FBXO34: variants seen among roughly 807,000 people sequenced by gnomAD.
FBXO34 encodes the protein F-box only protein 34.
FBXO34 carries 12 observed loss-of-function variants against 24.5 expected under a neutral mutation model. That is an observed-to-expected ratio of 0.49 (90% CI 0.31 to 0.79). The LOEUF is 0.79. FBXO34 is among the 30% of genes least tolerant of loss of function. The probability of loss-of-function intolerance (pLI) is 0.04; values close to 1 mark genes in which losing one functional copy is unlikely to be tolerated. For synonymous variants in FBXO34, 320 were observed against 311.9 expected (o/e 1.03, Z -0.27); for missense variants, 823 against 857.7 (o/e 0.96, Z 0.51).
At chr14:55,377,791 T>C in the FBXO34 span, 2 of 1,501,560 alleles carry the variant, frequency 1.3e-6, no homozygotes, top group Non-Finnish European at 9.0e-7. Context: ...CAAAAACACT[T>C]AGAGAAAAGC....
At chr14:55,273,428 C>A (rs1881226560) in intron 1 of FBXO34, among the ~76,000 whole-genome samples, 1 of 152,096 alleles carries the variant, frequency 6.6e-6, no homozygotes, top group African/African-American at 2.4e-5. Flanking sequence ...GCATTGTGTG[C>A]GCTACTGAAA....
downstream of FBXO34, chr14:55,361,950 T>C (rs1457567414): frequency 6.6e-6 from 1 of 152,266 alleles, no homozygotes; most frequent in Non-Finnish European, 1.5e-5. Context: ...ATCATTTGTG[T>C]GTTCACTGGA....
chr14:55,369,905 C>CTTG (rs1185595472), downstream of FBXO34: 3 of 1,611,560 alleles, frequency 1.9e-6, no homozygotes, highest in African/African-American at 4.0e-5. Flanking sequence ...AAGGTCTGCT[C>CTTG]GTACTTCAAA....
the FBXO34 span, among the ~76,000 whole-genome samples, chr14:55,396,995 G>A: frequency 2.0e-5 from 3 of 152,192 alleles, no homozygotes; most frequent in Admixed American, 2.0e-4. Context: ...CAGACCATAT[G>A]TTGTAAAATA....
chr14:55,436,850 T>G, the FBXO34 span: 1 of 1,614,226 alleles, frequency 6.2e-7, no homozygotes, highest in Non-Finnish European at 8.5e-7. Context: ...TTTTCCTGGG[T>G]AACTTCATCT....
the FBXO34 span, among the ~76,000 whole-genome samples, chr14:55,413,273 ATCAG>A: frequency 1.8e-4 from 28 of 152,344 alleles, no homozygotes; most frequent in Admixed American, 1.8e-3. Flanking sequence ...ATACCTAATG[ATCAG>A]GATCAACTGT....
chr14:55,389,120 T>C, the FBXO34 span, among the ~76,000 whole-genome samples: 1 of 152,226 alleles, frequency 6.6e-6, no homozygotes, highest in African/African-American at 2.4e-5. Flanking sequence ...CTCCTTTAGA[T>C]CTATGTCTAA....
At chr14:55,312,634 A>G (rs896650067) in intron 1 of FBXO34, among the ~76,000 whole-genome samples, 11 of 152,254 alleles carry the variant, frequency 7.2e-5, no homozygotes, top group South Asian at 2.1e-4. Flanking sequence ...TCAAACCTCA[A>G]TTCTTGACTT....
chr14:55,362,209 G>A (rs1215131878), downstream of FBXO34, among the ~76,000 whole-genome samples: 1 of 152,226 alleles, frequency 6.6e-6, no homozygotes, highest in Admixed American at 6.5e-5. Flanking sequence ...GAGGCCCGAA[G>A]AGAGGGAAAT....
the FBXO34 span, among the ~76,000 whole-genome samples, chr14:55,438,564 C>T: frequency 9.9e-5 from 15 of 152,280 alleles, no homozygotes; most frequent in South Asian, 3.1e-3. Context: ...TCTCCCTTCC[C>T]CTTCCCCTTC....
intron 1 of FBXO34, among the ~76,000 whole-genome samples, chr14:55,308,622 G>A (rs1478475744): frequency 6.6e-6 from 1 of 152,078 alleles, no homozygotes; most frequent in East Asian, 1.9e-4. Context: ...TAGATTTGAG[G>A]TTCAGGTTTT....
chr14:55,277,982 A>G (rs928816136), intron 1 of FBXO34, among the ~76,000 whole-genome samples: 4 of 152,140 alleles, frequency 2.6e-5, no homozygotes, highest in Non-Finnish European at 5.9e-5. Flanking sequence ...TCTAGAAACA[A>G]ACCCCTGAAT....
chr14:55,287,542 G>T (rs1190151553), intron 1 of FBXO34, among the ~76,000 whole-genome samples: 1 of 152,186 alleles, frequency 6.6e-6, no homozygotes, highest in African/African-American at 2.4e-5. Flanking sequence ...ATGTGTATCT[G>T]CTGTTAAGCA....
chr14:55,357,083 T>C (rs1248234237), downstream of FBXO34, among the ~76,000 whole-genome samples: 4 of 152,236 alleles, frequency 2.6e-5, no homozygotes, highest in Non-Finnish European at 5.9e-5. Flanking sequence ...TGTCATTTCC[T>C]GCCTGTCATT....
the FBXO34 span, among the ~76,000 whole-genome samples, chr14:55,435,013 A>T: frequency 6.6e-6 from 1 of 152,218 alleles, no homozygotes; most frequent in Non-Finnish European, 1.5e-5. Context: ...CAAGCCATTG[A>T]AAACAGGATG....
chr14:55,306,268 G>A (rs1377859621), intron 1 of FBXO34, among the ~76,000 whole-genome samples: 2 of 152,152 alleles, frequency 1.3e-5, no homozygotes, highest in Admixed American at 1.3e-4. Flanking sequence ...TGTTTCCTAA[G>A]GAATAAAAGC....
At chr14:55,300,758 A>G (rs1882325587) in intron 1 of FBXO34, among the ~76,000 whole-genome samples, 1 of 152,190 alleles carries the variant, frequency 6.6e-6, no homozygotes, top group African/African-American at 2.4e-5. Context: ...CACATGGTAA[A>G]ATTTAAAACA....
the FBXO34 span, chr14:55,377,710 C>T: frequency 2.9e-5 from 20 of 682,252 alleles, no homozygotes; most frequent in African/African-American, 9.0e-5. Flanking sequence ...TATTTTTGTC[C>T]GGTTTGAGGA....
chr14:55,314,105 C>T (rs939514268), intron 1 of FBXO34, among the ~76,000 whole-genome samples: 7 of 152,052 alleles, frequency 4.6e-5, no homozygotes, highest in Non-Finnish European at 8.8e-5. Flanking sequence ...GAGCTGAGGT[C>T]TCCCTTTTTT....
Sources: allele counts gnomAD v4.1 joint callset (sites outside exome capture counted in the v4.1 genomes callset), GRCh38; gene constraint gnomAD v4.1.1; transcripts MANE v1.5; gene names NCBI Gene and HGNC (gene_info 2026-07-23, HGNC 2026-07-21).